SLFN14: variants seen among roughly 807,000 people sequenced by gnomAD.
SLFN14 encodes the protein schlafen family member 14, also known as protein SLFN14.
A neutral mutation model predicts 58.6 loss-of-function variants in SLFN14; 47 were observed. The ratio of observed to expected loss-of-function variants is 0.80; its 90% CI spans 0.64 to 1.02. The LOEUF (loss-of-function observed/expected upper bound fraction) is 1.02, where lower values mean the gene tolerates loss of function less well. Among genes scored for constraint, SLFN14 ranks in the 50% least tolerant of loss-of-function variants. The pLI is 0.00. For missense variants in SLFN14, 967 were observed against 1,078.4 expected (o/e 0.90, Z 1.45); for synonymous variants, 390 against 387.3 (o/e 1.01, Z -0.08).
chr17:35,552,820 T>C lies in SLFN14; in HGVS notation c.1814A>G (p.Lys605Arg), dbSNP rs772654791. 6.4e-7 allele frequency: 1 copy of C among 1,551,532 alleles called. No individual in the cohort carries two copies. Among genetic ancestry groups the C allele is most frequent in the South Asian group, 1.2e-5 (1 of 84,054 alleles). Reference sequence around the variant, plus strand: ...CAAGTCCTTAATTTTCTCCATGATCTTTATGGCTAGGGCTGTCTTCCTGAC... The same window carrying C: ...CAAGTCCTTAATTTTCTCCATGATCCTTATGGCTAGGGCTGTCTTCCTGAC... Reference protein sequence around the residue: ...PGVRKTALAIKIMEKIKDLFH... With the variant: ...PGVRKTALAIRIMEKIKDLFH... The change falls in exon 5 of 6, where the codon AAG becomes AGG. Residue 605 changes from lysine to arginine, a missense_variant. By Grantham distance (26) the Lys-to-Arg change is conservative (BLOSUM62 2). Transcript: ENST00000674182.
Position 35,548,711 on chromosome 17 carries a change from T to C in SLFN14, c.2267A>G (p.Asn756Ser), listed in dbSNP as rs1200786030. ...CAATGCTAATGTGTCTGGAGACATG[T>C]TGGAGGGAGGATTTTCTTTGATCCT... ...MKRIKENPPS[N>S]MSPDTLALFS... is the part of the protein sequence containing the mutation. The change falls in exon 6 of 6, where the codon AAC becomes AGC. Residue 756 changes from asparagine (N) to serine (S), a missense_variant. Physicochemically the swap from Asn to Ser is conservative, Grantham distance 46. Transcript: ENST00000674182. 6.4e-7 allele frequency: 1 copy of C among 1,551,738 alleles called. No homozygotes were observed. Among genetic ancestry groups the C allele is most frequent in the African/African-American group, 1.4e-5 (1 of 73,170 alleles).
At chr17:35,550,541 G>A (rs77173908) in intron 5 of SLFN14, among the ~76,000 whole-genome samples, 3,745 of 152,218 alleles carry the variant, frequency 0.025, 157 homozygotes, top group African/African-American at 0.086. Context: ...GCAAGACTCC[G>A]TCTCAAAAAT....
chr17:35,547,875 T>C lies in SLFN14; in HGVS notation c.*364A>G, dbSNP rs976688279. 1.3e-5 allele frequency among the ~76,000 whole-genome samples: 2 copies of C among 152,044 alleles called. No homozygotes were observed. Among genetic ancestry groups the C allele is most frequent in the Non-Finnish European group, 2.9e-5 (2 of 67,998 alleles). On this transcript the variant is annotated 3_prime_UTR_variant, in exon 6 of 6. Transcript: ENST00000674182. ...GGCATATTAATGAAAGCCTTGAAAA[T>C]TGGTTAGGTTTGAAGGCTGTGGGGA...
chr17:35,554,232 T>C (rs2072626664), intron 4 of SLFN14, among the ~76,000 whole-genome samples: 1 of 150,706 alleles, frequency 6.6e-6, no homozygotes, highest in African/African-American at 2.4e-5. Context: ...TTATGAGAAG[T>C]TGGAAGGCAC....
At position 35,546,219 on chromosome 17, in the gene SLFN14, G is replaced by T. The variant is rs552752345; in HGVS notation, c.*2020C>A. ...TTCATACATCTCCCTACATCAGAAT[G>T]TCAATGCACTGGCATCTTTTGCAAA... On this transcript the variant is annotated 3_prime_UTR_variant, in exon 6 of 6. Coordinates refer to ENST00000674182, the MANE Select transcript of SLFN14 (RefSeq NM_001129820.2). Among the ~76,000 whole-genome samples the T allele has an allele frequency of 3.3e-5, 5 of 152,240 alleles. No individual in the cohort carries two copies. The highest frequency in any genetic ancestry group is 1.2e-4 in the African/African-American group (5 of 41,556).
rs1484498635 is a variant in SLFN14 at position 35,548,269 on chromosome 17, G to A, written c.2709C>T (p.Tyr903=). The A allele has an allele frequency of 1.9e-6, 3 of 1,551,548 alleles. No homozygotes were observed. The highest frequency in any genetic ancestry group is 1.4e-5 in the African/African-American group (1 of 73,046). ...CFASRAIKHL[Y]LLYEKRAAY ...AGGCTGCCCTCTTTTCATAAAGCAG[G>A]TAGAGGTGTTTAATGGCTCTTGAAG... Residue 903 remains tyrosine, a synonymous_variant, in exon 6 of 6, where the codon TAC becomes TAT. Transcript: ENST00000674182.
intron 3 of SLFN14, among the ~76,000 whole-genome samples, chr17:35,555,157 G>T (rs190486285): frequency 6.6e-6 from 1 of 152,068 alleles, no homozygotes; most frequent in African/African-American, 2.4e-5. Context: ...CGGATCACGA[G>T]GTCAGGAGAT....
rs112639724 is a variant in SLFN14, at chr17:35,558,887, A to G, written c.-44-781T>C. The stretch of plus-strand genomic sequence containing the variant: ...GAGAACTAAGGAAGTATAATTTTAC[A>G]GTATATGTACTGTAGAAGATCTTGC... On this transcript the variant is annotated intron_variant, in intron 2 of 5. Coordinates refer to ENST00000674182, the MANE Select transcript of SLFN14 (RefSeq NM_001129820.2). Among the ~76,000 whole-genome samples, 1,361 of 152,232 alleles carry G rather than the reference A, an allele frequency of 8.9e-3. 16 individuals are homozygous for G. Among genetic ancestry groups the G allele is most frequent in the African/African-American group, 0.031 (1,277 of 41,514 alleles).
chr17:35,556,986 A>G lies in SLFN14; in HGVS notation c.1060+17T>C. The G allele has an allele frequency of 6.5e-7, 1 of 1,534,820 alleles. No homozygotes were observed. The highest frequency in any genetic ancestry group is 8.8e-7 in the Non-Finnish European group (1 of 1,137,958). On this transcript the variant is annotated intron_variant, in intron 3 of 5. Coordinates refer to ENST00000674182, the MANE Select transcript of SLFN14 (RefSeq NM_001129820.2). The stretch of plus-strand genomic sequence containing the variant: ...TTCCTCCCTGCTGATGGGGACAATG[A>G]CTTCACTTCCCTTTACCTGACTGAG...
intron 5 of SLFN14, among the ~76,000 whole-genome samples, chr17:35,551,471 A>G (rs926941946): frequency 6.6e-6 from 1 of 152,088 alleles, no homozygotes; most frequent in African/African-American, 2.4e-5. Flanking sequence ...GATTTATACA[A>G]TCATGTCGTA....
intron 5 of SLFN14, 53 bp downstream of exon 5, chr17:35,552,677 T>TATATATATACAC: frequency 2.1e-6 from 2 of 972,654 alleles, no homozygotes; most frequent in Non-Finnish European, 2.9e-6. Context: ...TATATACACA[T>TATATATATACAC]ATATATATAC....
At position 35,553,263 on chromosome 17, in the gene SLFN14, A is replaced by G. The variant is rs978178512; in HGVS notation, c.1371T>C (p.Asp457=). 2 of 1,551,708 alleles carry G rather than the reference A, an allele frequency of 1.3e-6. No individual in the cohort carries two copies. The highest frequency in any genetic ancestry group is 2.0e-5 in the Admixed American group (1 of 51,004). The change falls in exon 5 of 6, where the codon GAT becomes GAC. Residue 457 remains aspartate (D), a synonymous_variant. Transcript: ENST00000674182. ...GFRKEQNVLC[D]ALLIAVNSPV... ...GGCTGTTAACTGCTATCAGGAGAGC[A>G]TCACACAGGACATTCTGTTCTTTCC...
intron 3 of SLFN14, among the ~76,000 whole-genome samples, chr17:35,555,026 T>C (rs1398670149): frequency 6.6e-6 from 1 of 152,066 alleles, no homozygotes; most frequent in Admixed American, 6.5e-5. Context: ...AGGTTATCTC[T>C]AAGAAGAAAA....
At chr17:35,549,687 T>C (rs541018078) in intron 5 of SLFN14, among the ~76,000 whole-genome samples, 8 of 152,358 alleles carry the variant, frequency 5.3e-5, no homozygotes, top group Non-Finnish European at 1.2e-4. Context: ...AGCATATATG[T>C]ATTTTTTCTG....
intron 5 of SLFN14, among the ~76,000 whole-genome samples, chr17:35,551,790 C>A (rs1038385849): frequency 3.1e-5 from 2 of 64,646 alleles, no homozygotes; most frequent in Non-Finnish European, 5.4e-5. Flanking sequence ...AATCCGGAAT[C>A]GTCACCAAAA....
In SLFN14 at chr17:35,549,064, G is replaced by A. The variant is rs1001441; in HGVS notation, c.1914C>T (p.Thr638=). ...DSLKDFVTQQ[T]TCQAVTRKTF... ...TTTTCCTGGTCACAGCTTGGCAGGT[G>A]GTTTGTTGGCTGTAAGGACGGAAAA... Residue 638 remains threonine, a synonymous_variant, in exon 6 of 6, where the codon ACC becomes ACT. Coordinates refer to ENST00000674182, the MANE Select transcript of SLFN14 (RefSeq NM_001129820.2). The A allele has an allele frequency of 0.11, 171,630 of 1,550,584 alleles. 11,676 individuals carry two copies. Among genetic ancestry groups the A allele is most frequent in the East Asian group, 0.35 (14,193 of 40,900 alleles).
rs1410199343 is a variant in SLFN14 at position 35,545,348 on chromosome 17, A to AT, written c.*2890dup. On this transcript the variant is annotated 3_prime_UTR_variant, in exon 6 of 6. Transcript: ENST00000674182. ...CACTGTACTAGTTGCTCTAGGGGAA[A>AT]TAAGGATGTGTAAGTGACTCATCCT... Among the ~76,000 whole-genome samples the AT allele has an allele frequency of 6.6e-6, 1 of 152,218 alleles. No homozygotes were observed.
rs1414950374 is a variant in SLFN14, at chr17:35,548,501, C to T, written c.2477G>A (p.Gly826Glu). ...TTTGAGTAGTGCAAGCCTATAGCGT[C>T]CTCTGTCCTCCCCTCTCCTGCACAG... ...AILCRRGEDR[G>E]RYRLALLKAM... is the part of the protein sequence containing the mutation. Residue 826 changes from glycine (G) to glutamate (E), a missense_variant, in exon 6 of 6, where the codon GGA (glycine) becomes GAA (glutamate). By Grantham distance (98) the Gly-to-Glu change is moderately conservative (BLOSUM62 -2). Transcript: ENST00000674182. 1.3e-6 allele frequency: 2 copies of T among 1,551,738 alleles called. No homozygotes were observed. Among genetic ancestry groups the T allele is most frequent in the Non-Finnish European group, 1.7e-6 (2 of 1,146,998 alleles).
Position 35,557,635 on chromosome 17 carries a change from G to A in SLFN14, c.428C>T (p.Ala143Val). ...TCTGAGAAGCTCCAGGGCACTGCTA[G>A]CACTCAAGTTGATAGCAGAAGTCAC... ...RDVTSAINLS[A>V]SSALELLREK... The change falls in exon 3 of 6, where the codon GCT becomes GTT. Residue 143 changes from alanine (A) to valine (V), a missense_variant. Coordinates refer to ENST00000674182, the MANE Select transcript of SLFN14 (RefSeq NM_001129820.2). 6.4e-7 allele frequency: 1 copy of A among 1,551,712 alleles called. No homozygotes were observed. The highest frequency in any genetic ancestry group is 8.7e-7 in the Non-Finnish European group (1 of 1,146,992).
Sources: gnomAD v4.1 joint callset for allele counts (sites outside exome capture counted in the v4.1 genomes callset) on GRCh38, gnomAD v4.1.1 for gene constraint, MANE v1.5 for transcripts, NCBI Gene and HGNC (gene_info 2026-07-23, HGNC 2026-07-21) for gene names.